CLCN4: variants seen among roughly 807,000 people sequenced by gnomAD.
The protein encoded by CLCN4 is H(+)/Cl(-) exchange transporter 4.
CLCN4 carries 1 observed loss-of-function variant against 41.7 expected under a neutral mutation model. The ratio of observed to expected loss-of-function variants is 0.02; its 90% CI spans 0.01 to 0.11. CLCN4 has a LOEUF of 0.11. Among genes scored for constraint, CLCN4 ranks in the 10% least tolerant of loss-of-function variants. CLCN4 has a pLI of 1.00. For synonymous variants in CLCN4, 277 were observed against 285.8 expected, an observed-to-expected ratio of 0.97 and a Z score of 0.31; for missense variants, 287 against 661.0, an observed-to-expected ratio of 0.43 and a Z score of 6.20.
At chrX:10,231,964 T>C (rs892532609) in intron 12 of CLCN4, among the ~76,000 whole-genome samples, 2 of 112,457 alleles carry the variant, frequency 1.8e-5, no homozygotes, top group Non-Finnish European at 3.8e-5. Flanking sequence ...CCTACGTTTA[T>C]CAAGTATTCC....
At chrX:10,161,177 T>C (rs748225220) in intron 2 of CLCN4, among the ~76,000 whole-genome samples, 1 of 98,072 alleles carries the variant, frequency 1.0e-5, no homozygotes, top group South Asian at 5.0e-4. Flanking sequence ...GTCTCATCTT[T>C]CCTGGCACCA....
intron 2 of CLCN4, among the ~76,000 whole-genome samples, chrX:10,161,541 C>G (rs1923101853): frequency 8.9e-6 from 1 of 112,227 alleles, no homozygotes; most frequent in African/African-American, 3.2e-5. Context: ...TCGGCCCAAA[C>G]AAACGTGTAA....
At chrX:10,175,953 T>TCTCC (rs1923519778) in intron 2 of CLCN4, among the ~76,000 whole-genome samples, 1 of 53,927 alleles carries the variant, frequency 1.9e-5, no homozygotes, top group Non-Finnish European at 3.1e-5. Flanking sequence ...TCCCTCTCTC[T>TCTCC]CTCTCTCTCT....
chrX:10,219,080 T>A (rs41404246), intron 11 of CLCN4, among the ~76,000 whole-genome samples: 11 of 112,645 alleles, frequency 9.8e-5, no homozygotes, highest in Admixed American at 1.9e-4. Flanking sequence ...AGCTAGTGGC[T>A]GTTAGAATCA....
intron 5 of CLCN4, among the ~76,000 whole-genome samples, chrX:10,197,251 A>G (rs955659240): frequency 8.9e-6 from 1 of 112,531 alleles, no homozygotes; most frequent in Admixed American, 9.4e-5. Flanking sequence ...TCAATGAATT[A>G]TTCTGAAAGT....
At chrX:10,216,414 C>G (rs949996764) in intron 11 of CLCN4, among the ~76,000 whole-genome samples, 8 of 111,549 alleles carry the variant, frequency 7.2e-5, no homozygotes, top group Non-Finnish European at 1.5e-4. Flanking sequence ...GGCAAATGGG[C>G]CTTTACCTCT....
At chrX:10,175,945 C>CTCTCCCCCTCCCTCCCTCTCCCT (rs1923517208) in intron 2 of CLCN4, among the ~76,000 whole-genome samples, 1 of 42,020 alleles carries the variant, frequency 2.4e-5, no homozygotes, top group Admixed American at 3.3e-4. Flanking sequence ...CCTCCCTCTC[C>CTCTCCCCCTCCCTCCCTCTCCCT]CTCTCTCTCT....
At chrX:10,219,363 C>T (rs895936871) in intron 11 of CLCN4, among the ~76,000 whole-genome samples, 1 of 112,149 alleles carries the variant, frequency 8.9e-6, no homozygotes, top group Non-Finnish European at 1.9e-5. Context: ...AGTTGCCTCC[C>T]TGCCTTAGTG....
intron 6 of CLCN4, among the ~76,000 whole-genome samples, chrX:10,199,512 G>A (rs955343431): frequency 3.4e-5 from 3 of 89,218 alleles, no homozygotes; most frequent in African/African-American, 1.3e-4. Flanking sequence ...AGGGGAAGTT[G>A]AGACAGCAGG....
chrX:10,166,307 T>G (rs1281121401), intron 2 of CLCN4, among the ~76,000 whole-genome samples: 1 of 112,442 alleles, frequency 8.9e-6, no homozygotes, highest in African/African-American at 3.2e-5. Flanking sequence ...ACTTCTGGCC[T>G]CCGGAACTGG....
chrX:10,213,383 G>C (rs1023464915), intron 10 of CLCN4, among the ~76,000 whole-genome samples: 3 of 112,013 alleles, frequency 2.7e-5, no homozygotes, highest in Non-Finnish European at 5.6e-5. Context: ...GAAGCTTGCA[G>C]AGCCCATGTA....
At chrX:10,221,304 A>G (rs1924854981) in intron 12 of CLCN4, among the ~76,000 whole-genome samples, 1 of 111,713 alleles carries the variant, frequency 9.0e-6, no homozygotes, top group Non-Finnish European at 1.9e-5. Flanking sequence ...GGTTAGGTAC[A>G]CAACAGTCAA....
In CLCN4 at chrX:10,235,117, A is replaced by T. The variant is rs745438629; in HGVS notation, c.*1533A>T. ...GGACTGTCTCCATAACATCATTGGG[A>T]TCCCCATCCCGTTGCTATTTCTTTT... On this transcript the variant is annotated 3_prime_UTR_variant, in exon 13 of 13. Transcript: ENST00000380833. 8.9e-6 allele frequency: 1 copy of T among 112,213 alleles called. No individual in the cohort carries two copies. The highest frequency in any genetic ancestry group is 9.4e-5 in the Admixed American group (1 of 10,650). The allele number at this position is 112,213 out of a possible 1,213,427, so 9.2% of individuals were successfully genotyped here.
intron 5 of CLCN4, 128 bp downstream of exon 5, chrX:10,195,226 AC>A: frequency 1.7e-6 from 1 of 601,606 alleles, no homozygotes; most frequent in East Asian, 3.4e-5. Context: ...TCGTGGCTTA[AC>A]ACTAGATGAC....
intron 2 of CLCN4, among the ~76,000 whole-genome samples, chrX:10,164,817 A>G (rs1470899942): frequency 1.8e-5 from 2 of 112,333 alleles, no homozygotes; most frequent in African/African-American, 6.5e-5. Flanking sequence ...GGAAATGGCC[A>G]TGCACATTCC....
chrX:10,206,802 C>T (rs998895027), intron 8 of CLCN4, 26 bp downstream of exon 8: 10 of 1,104,823 alleles, frequency 9.1e-6, no homozygotes, highest in Admixed American at 8.0e-5. Context: ...TGAGGGAATT[C>T]GTGATTTTGA....
rs1396330803 is a variant in CLCN4, at chrX:10,237,363, G to C, written c.*3779G>C. The C allele has an allele frequency of 4.5e-5, 5 of 112,050 alleles. No individual in the cohort carries two copies. The allele number at this position is 112,050 out of a possible 1,213,427, so 9.2% of individuals were successfully genotyped here. ...CTATCAGACTAAGCTTCTAGCCTTT[G>C]AAATGATTTACATGAGGAGAGAGCC... On this transcript the variant is annotated 3_prime_UTR_variant, in exon 13 of 13. Coordinates refer to ENST00000380833, the MANE Select transcript of CLCN4 (RefSeq NM_001830.4).
intron 2 of CLCN4, among the ~76,000 whole-genome samples, chrX:10,173,761 C>G (rs1923445482): frequency 8.9e-6 from 1 of 112,017 alleles, no homozygotes; most frequent in Non-Finnish European, 1.9e-5. Context: ...CCAGGGGATG[C>G]GCATGTGCAT....
intron 4 of CLCN4, among the ~76,000 whole-genome samples, chrX:10,189,118 G>C (rs1277711415): frequency 8.9e-6 from 1 of 112,239 alleles, no homozygotes; most frequent in African/African-American, 3.2e-5. Context: ...AGGTGGGCCA[G>C]GTGGGAGTTT....
Sources: allele counts gnomAD v4.1 joint callset (sites outside exome capture counted in the v4.1 genomes callset), GRCh38; gene constraint gnomAD v4.1.1; transcripts MANE v1.5; gene names NCBI Gene and HGNC (gene_info 2026-07-23, HGNC 2026-07-21).